PPP4R3B: variants seen among roughly 807,000 people sequenced by gnomAD.
The protein encoded by PPP4R3B is serine/threonine-protein phosphatase 4 regulatory subunit 3B.
Under a neutral mutation model 95.4 loss-of-function variants are expected in PPP4R3B, and 52 were observed. That is an observed-to-expected ratio of 0.54 (90% CI 0.44 to 0.69). The LOEUF (loss-of-function observed/expected upper bound fraction) is 0.69, where lower values mean the gene tolerates loss of function less well. Ranked by LOEUF, PPP4R3B falls within the 30% of genes least tolerant of loss-of-function variation. PPP4R3B has a pLI of 0.00. For synonymous variants in PPP4R3B, 407 were observed against 343.9 expected (o/e 1.18, Z -2.03); for missense variants, 1,003 against 1,005.9 (o/e 1.00, Z 0.04).
At chr2:55,603,495 G>A (rs1692938100) in intron 3 of PPP4R3B, among the ~76,000 whole-genome samples, 1 of 151,934 alleles carries the variant, frequency 6.6e-6, no homozygotes, top group Non-Finnish European at 1.5e-5. Flanking sequence ...TAAAACAAAA[G>A]GTTTCTTTTA....
chr2:55,576,731 T>G (rs1162203199), intron 11 of PPP4R3B, among the ~76,000 whole-genome samples: 1 of 152,144 alleles, frequency 6.6e-6, no homozygotes, highest in Non-Finnish European at 1.5e-5. Context: ...AACAATGAAC[T>G]ACAGTGTTAA....
chr2:55,615,881 A>AAAAAAAAAAAAAAAAAC (rs1694847479), intron 1 of PPP4R3B, among the ~76,000 whole-genome samples: 1 of 143,288 alleles, frequency 7.0e-6, no homozygotes, highest in African/African-American at 2.7e-5. Context: ...AAAAAAAAAA[A>AAAAAAAAAAAAAAAAAC]ATACACATTT....
At chr2:55,605,082 C>G (rs1246275565) in intron 2 of PPP4R3B, among the ~76,000 whole-genome samples, 1 of 152,128 alleles carries the variant, frequency 6.6e-6, no homozygotes, top group East Asian at 1.9e-4. Flanking sequence ...AGCGATCCGC[C>G]TGCCTCGACC....
chr2:55,558,479 G>C (rs751073518), intron 16 of PPP4R3B, among the ~76,000 whole-genome samples: 6 of 152,034 alleles, frequency 3.9e-5, no homozygotes, highest in Non-Finnish European at 8.8e-5. Flanking sequence ...GTGGTGGCAC[G>C]CGCCTGTAGT....
chr2:55,607,775 A>T (rs367685106), intron 2 of PPP4R3B, among the ~76,000 whole-genome samples: 3 of 152,328 alleles, frequency 2.0e-5, no homozygotes, highest in South Asian at 4.1e-4. Flanking sequence ...GCAATCTTCT[A>T]ACCATGCCTT....
At chr2:55,615,358 T>C (rs1694746842) in intron 2 of PPP4R3B, 93 bp downstream of exon 2, 1 of 942,374 alleles carries the variant, frequency 1.1e-6, no homozygotes, top group Non-Finnish European at 1.6e-6. Context: ...AACATGTTTT[T>C]TTCTTGTCAG....
intron 8 of PPP4R3B, among the ~76,000 whole-genome samples, chr2:55,580,451 T>C (rs1340000717): frequency 6.6e-6 from 1 of 152,102 alleles, no homozygotes; most frequent in East Asian, 1.9e-4. Context: ...AAAAGGCACA[T>C]TTGAATCTGT....
chr2:55,575,715 G>A (rs1688581321), intron 11 of PPP4R3B, among the ~76,000 whole-genome samples: 3 of 152,112 alleles, frequency 2.0e-5, no homozygotes, highest in African/African-American at 7.2e-5. Context: ...TGAGATTACA[G>A]GTGTGAGCCA....
intron 3 of PPP4R3B, among the ~76,000 whole-genome samples, chr2:55,599,530 GC>G (rs748296421): frequency 1.3e-3 from 199 of 152,124 alleles, no homozygotes; most frequent in Non-Finnish European, 2.3e-3. Flanking sequence ...CATGAGTAGG[GC>G]CCCTTCCCCT....
Position 55,573,609 on chromosome 2 carries a change from T to G in PPP4R3B, c.1765+10A>C, listed in dbSNP as rs1180812260. The G allele has an allele frequency of 6.6e-7, 1 of 1,526,480 alleles. No homozygotes were observed. The highest frequency in any genetic ancestry group is 8.8e-7 in the Non-Finnish European group (1 of 1,140,524). 94.6% of individuals were successfully genotyped at this position (1,526,480 alleles called of 1,614,324 possible). ...TAAAAATGTTGCTCCTTAAAACATT[T>G]TATACTTACACAAGGCCAGAAAAGT... On this transcript the variant is annotated intron_variant, in intron 12 of 16. Coordinates refer to ENST00000616407, the MANE Select transcript of PPP4R3B (RefSeq NM_001122964.3).
At chr2:55,614,522 G>T (rs1192419794) in intron 2 of PPP4R3B, 1 of 152,128 alleles carries the variant, frequency 6.6e-6, no homozygotes, top group East Asian at 1.9e-4. Context: ...ACTGTGTAAA[G>T]TTTAAAAACA....
chr2:55,596,395 G>A (rs920451669), intron 4 of PPP4R3B, among the ~76,000 whole-genome samples: 1 of 152,078 alleles, frequency 6.6e-6, no homozygotes, highest in Non-Finnish European at 1.5e-5. Flanking sequence ...ACAACTGTTC[G>A]AGAATGACAA....
chr2:55,565,000 A>G lies in PPP4R3B; in HGVS notation c.1977T>C (p.Phe659=), dbSNP rs1687103973. The G allele has an allele frequency of 6.2e-7, 1 of 1,609,272 alleles. No homozygotes were observed. The highest frequency in any genetic ancestry group is 1.3e-5 in the African/African-American group (1 of 74,878). The change falls in exon 14 of 17, where the codon TTT becomes TTC. Residue 659 remains phenylalanine, a synonymous_variant. Coordinates refer to ENST00000616407, the MANE Select transcript of PPP4R3B (RefSeq NM_001122964.3). ...KSLTAHIVEN[F]YKALESIEYV... is the part of the protein sequence containing the mutation. ...ATTCAATCGATTCAAGTGCTTTATA[A>G]AAGTTTTCAACTATATGGGCAGTAA...
At chr2:55,570,033 C>T (rs187978484) in intron 12 of PPP4R3B, among the ~76,000 whole-genome samples, 121 of 152,198 alleles carry the variant, frequency 8.0e-4, no homozygotes, top group African/African-American at 2.3e-3. Flanking sequence ...AGGCAGATCA[C>T]GAGATCAGGA....
At chr2:55,605,004 A>G (rs1199184074) in intron 2 of PPP4R3B, among the ~76,000 whole-genome samples, 1 of 151,688 alleles carries the variant, frequency 6.6e-6, no homozygotes, top group Admixed American at 6.6e-5. Context: ...ACGCCACACT[A>G]ATTTTTCGTA....
chr2:55,573,548 A>G (rs1272876771), intron 12 of PPP4R3B, 71 bp downstream of exon 12: 6 of 1,357,386 alleles, frequency 4.4e-6, no homozygotes, highest in African/African-American at 3.0e-5. Context: ...CTGCTAATAA[A>G]TAACTTCAAA....
At chr2:55,570,985 T>C (rs1361126498) in intron 12 of PPP4R3B, among the ~76,000 whole-genome samples, 2 of 152,158 alleles carry the variant, frequency 1.3e-5, no homozygotes, top group Admixed American at 1.3e-4. Flanking sequence ...CTTATAATAA[T>C]AGAAATCTTG....
intron 4 of PPP4R3B, among the ~76,000 whole-genome samples, chr2:55,595,492 A>C (rs974742507): frequency 6.6e-6 from 1 of 151,806 alleles, no homozygotes; most frequent in Non-Finnish European, 1.5e-5. Flanking sequence ...TTTAAAAATT[A>C]CAATTAAAAC....
intron 12 of PPP4R3B, among the ~76,000 whole-genome samples, chr2:55,570,982 T>A (rs1196393924): frequency 6.6e-6 from 1 of 152,184 alleles, no homozygotes; most frequent in Non-Finnish European, 1.5e-5. Flanking sequence ...CTGCTTATAA[T>A]AATAGAAATC....
Sources: allele counts gnomAD v4.1 joint callset (sites outside exome capture counted in the v4.1 genomes callset), GRCh38; gene constraint gnomAD v4.1.1; transcripts MANE v1.5; gene names NCBI Gene and HGNC (gene_info 2026-07-23, HGNC 2026-07-21).